The following SNAPC3 variants were observed in gnomAD, a reference collection of about 807,000 sequenced individuals.
The protein encoded by SNAPC3 is small nuclear RNA activating complex polypeptide 3.
Under a neutral mutation model 47.7 loss-of-function variants are expected in SNAPC3, and 56 were observed. The observed-to-expected ratio is 1.18, with a 90% CI of 0.95 to 1.47. The LOEUF is 1.47. SNAPC3 is among the 40% of genes most tolerant of loss of function. The pLI is 0.00. For missense variants in SNAPC3, 665 were observed against 511.3 expected, an observed-to-expected ratio of 1.30 and a Z score of -2.90; for synonymous variants, 235 against 189.9, an observed-to-expected ratio of 1.24 and a Z score of -1.95.
At chr9:15,444,798 T>A in intron 4 of SNAPC3, 92 bp downstream of exon 4, 1 of 688,878 alleles carries the variant, frequency 1.5e-6, no homozygotes, top group Non-Finnish European at 2.4e-6. Context: ...ATGCTTACAT[T>A]AAAAATAAAC....
At chr9:15,449,556 TATA>T (rs1563851144) in intron 5 of SNAPC3, among the ~76,000 whole-genome samples, 33 of 37,750 alleles carry the variant, frequency 8.7e-4, no homozygotes, top group East Asian at 2.6e-3. Flanking sequence ...TATATATATA[TATA>T]TATATTTTTT....
chr9:15,445,706 T>A (rs1372367716), intron 4 of SNAPC3, among the ~76,000 whole-genome samples: 3 of 152,184 alleles, frequency 2.0e-5, no homozygotes, highest in African/African-American at 4.8e-5. Context: ...TCAGCACCTT[T>A]GGAAGGCTGA....
intron 3 of SNAPC3, among the ~76,000 whole-genome samples, chr9:15,440,209 T>C (rs2033199652): frequency 6.6e-6 from 1 of 152,218 alleles, no homozygotes; most frequent in South Asian, 2.1e-4. Context: ...AGGAGTGAGT[T>C]ACAAACCAAA....
downstream of SNAPC3, chr9:15,463,902 T>G (rs1330926178): frequency 7.4e-6 from 1 of 134,954 alleles, no homozygotes; most frequent in Non-Finnish European, 1.6e-5. Flanking sequence ...AAGATAAATA[T>G]TACCTTTATT....
rs112213446 is a variant in SNAPC3, at chr9:15,458,201, C to G, written c.1088+134C>G. ...TGAAGTATCATCTAGTAGGGAAGTG[C>G]CAGAAAATCAATTTAGTGAGTTAAA... On this transcript the variant is annotated intron_variant, in intron 8 of 8. Transcript: ENST00000380821. 7.7e-5 allele frequency: 40 copies of G among 518,188 alleles called. 1 individual carries two copies. The highest frequency in any genetic ancestry group is 5.9e-4 in the African/African-American group (29 of 49,546). The allele number at this position is 518,188 out of a possible 1,614,324, so 32.1% of individuals were successfully genotyped here.
chr9:15,461,728 A>G (rs1256013493), downstream of SNAPC3: 1 of 152,218 alleles, frequency 6.6e-6, no homozygotes, highest in African/African-American at 2.4e-5. Flanking sequence ...TGTGTTTGAC[A>G]GTGAAGTATG....
chr9:15,441,801 A>G (rs1273327193), intron 3 of SNAPC3, among the ~76,000 whole-genome samples: 5 of 152,190 alleles, frequency 3.3e-5, no homozygotes, highest in Non-Finnish European at 7.4e-5. Context: ...TTCTTTCTAC[A>G]CAGACACAGC....
At chr9:15,441,617 C>G (rs2033390592) in intron 3 of SNAPC3, among the ~76,000 whole-genome samples, 3 of 151,818 alleles carry the variant, frequency 2.0e-5, no homozygotes, top group Admixed American at 1.3e-4. Context: ...ATGCTGCCTT[C>G]AAGCATCTGT....
At chr9:15,424,798 C>T (rs148480885) in intron 2 of SNAPC3, among the ~76,000 whole-genome samples, 2 of 152,288 alleles carry the variant, frequency 1.3e-5, no homozygotes, top group South Asian at 2.1e-4. Flanking sequence ...TATGTTCTGT[C>T]GTTCTTGATC....
intron 5 of SNAPC3, 32 bp from the exon 6 acceptor site, chr9:15,451,288 A>G (rs1462329301): frequency 1.1e-6 from 1 of 896,856 alleles, no homozygotes; most frequent in East Asian, 2.5e-5. Context: ...TTAATAGTTG[A>G]TTTTCTCTCA....
Position 15,447,138 on chromosome 9 carries a change from G to C in SNAPC3, c.626G>C (p.Ser209Thr). ...KPYQTMLVLG[S>T]QKLTQLRDSI... ...TACCAAACAATGCTGGTGTTGGGCA[G>C]TCAAAAACTCACACAACTGAGGGAT... The change falls in exon 5 of 9, where the codon AGT becomes ACT. Residue 209 changes from serine (S) to threonine (T), a missense_variant. By Grantham distance (58) the Ser-to-Thr change is moderately conservative. Transcript: ENST00000380821. 1 of 1,614,038 alleles carries C rather than the reference G, an allele frequency of 6.2e-7. No individual in the cohort carries two copies. Among genetic ancestry groups the C allele is most frequent in the South Asian group, 1.1e-5 (1 of 91,086 alleles).
At chr9:15,452,577 C>T (rs573511030) in intron 6 of SNAPC3, among the ~76,000 whole-genome samples, 1 of 152,152 alleles carries the variant, frequency 6.6e-6, no homozygotes, top group East Asian at 1.9e-4. Context: ...CTCGGCCTCC[C>T]GAAGTGCTGG....
At chr9:15,440,494 G>A (rs2033226263) in intron 3 of SNAPC3, among the ~76,000 whole-genome samples, 1 of 151,608 alleles carries the variant, frequency 6.6e-6, no homozygotes, top group Admixed American at 6.6e-5. Flanking sequence ...TTCTTTCATG[G>A]GTTTAAATAT....
At chr9:15,451,957 T>C (rs62570992) in intron 6 of SNAPC3, among the ~76,000 whole-genome samples, 6,150 of 101,784 alleles carry the variant, frequency 0.06, 140 homozygotes, top group South Asian at 0.093. Context: ...ATATATATTA[T>C]TGTTGCCCTT....
chr9:15,435,124 G>A (rs1010328877), intron 3 of SNAPC3, among the ~76,000 whole-genome samples: 1 of 152,084 alleles, frequency 6.6e-6, no homozygotes, highest in Non-Finnish European at 1.5e-5. Context: ...GTGTGAAGTA[G>A]TATCTCATTG....
At chr9:15,423,408 G>C (rs1007438627) in intron 1 of SNAPC3, among the ~76,000 whole-genome samples, 2 of 152,214 alleles carry the variant, frequency 1.3e-5, no homozygotes, top group Admixed American at 6.5e-5. Flanking sequence ...TTGGAGCAAA[G>C]GGACAAGACA....
At chr9:15,429,451 A>G (rs879536359) in intron 2 of SNAPC3, among the ~76,000 whole-genome samples, 3 of 152,228 alleles carry the variant, frequency 2.0e-5, no homozygotes, top group Non-Finnish European at 2.9e-5. Context: ...GGGTATTGCA[A>G]CAAAGTACAG....
chr9:15,457,926 C>T (rs2034918851), intron 7 of SNAPC3, 34 bp from the exon 8 acceptor site: 2 of 1,268,398 alleles, frequency 1.6e-6, no homozygotes. Context: ...TAATATTTGT[C>T]ACCTTAATAT....
At chr9:15,441,304 T>C (rs2033334225) in intron 3 of SNAPC3, among the ~76,000 whole-genome samples, 1 of 151,478 alleles carries the variant, frequency 6.6e-6, no homozygotes, top group South Asian at 2.1e-4. Flanking sequence ...TTTTAATTTT[T>C]TGAGAGACCT....
Sources: gnomAD v4.1 joint callset for allele counts (sites outside exome capture counted in the v4.1 genomes callset) on GRCh38, gnomAD v4.1.1 for gene constraint, MANE v1.5 for transcripts, NCBI Gene and HGNC (gene_info 2026-07-23, HGNC 2026-07-21) for gene names.